The following HIVEP3 variants were observed in gnomAD, a reference collection of about 807,000 sequenced individuals.
HIVEP3 encodes HIVEP zinc finger 3.
Under a neutral mutation model 152.8 loss-of-function variants are expected in HIVEP3, and 49 were observed. The ratio of observed to expected loss-of-function variants is 0.32; its 90% CI spans 0.26 to 0.41. The LOEUF (loss-of-function observed/expected upper bound fraction) is 0.41. Ranked by LOEUF, HIVEP3 falls within the 10% of genes least tolerant of loss-of-function variation. The probability of loss-of-function intolerance (pLI) is 1.00; values close to 1 mark genes in which losing one functional copy is unlikely to be tolerated. For synonymous variants in HIVEP3, 1,269 were observed against 1,289.0 expected (o/e 0.98, Z 0.33); for missense variants, 2,790 against 3,103.3 (o/e 0.90, Z 2.40).
chr1:41,747,089 C>A (rs1647084335), intron 1 of HIVEP3, among the ~76,000 whole-genome samples: 1 of 152,180 alleles, frequency 6.6e-6, no homozygotes, highest in Non-Finnish European at 1.5e-5. Flanking sequence ...CTGTGAGAGG[C>A]AGCAGCAGGA....
At chr1:41,907,231 G>A (rs1398052043) in intron 1 of HIVEP3, among the ~76,000 whole-genome samples, 1 of 152,186 alleles carries the variant, frequency 6.6e-6, no homozygotes, top group Non-Finnish European at 1.5e-5. Flanking sequence ...TTCCTTCCTT[G>A]TAATCCTTGA....
chr1:41,575,080 G>A (rs954413114), intron 5 of HIVEP3, among the ~76,000 whole-genome samples: 1 of 152,246 alleles, frequency 6.6e-6, no homozygotes, highest in Non-Finnish European at 1.5e-5. Context: ...ACAGTGTGCA[G>A]TCAGCCCTGC....
chr1:41,771,721 T>C (rs531761923), intron 1 of HIVEP3, among the ~76,000 whole-genome samples: 60 of 152,198 alleles, frequency 3.9e-4, no homozygotes, highest in Admixed American at 3.5e-3. Context: ...CAGGCTGGAG[T>C]GCAGTGGTGT....
intron 4 of HIVEP3, among the ~76,000 whole-genome samples, chr1:41,578,321 G>GC (rs1310339685): frequency 6.6e-6 from 1 of 152,208 alleles, no homozygotes; most frequent in Non-Finnish European, 1.5e-5. Context: ...AGTGGCCACA[G>GC]CTAGTAAGAG....
At chr1:41,969,875 C>G (rs1178488715) in intron 1 of HIVEP3, among the ~76,000 whole-genome samples, 1 of 151,896 alleles carries the variant, frequency 6.6e-6, no homozygotes, top group Non-Finnish European at 1.5e-5. Context: ...AAAAACAACC[C>G]CATTAAAAAG....
chr1:41,639,155 T>C (rs1645333237), intron 2 of HIVEP3, among the ~76,000 whole-genome samples: 1 of 152,224 alleles, frequency 6.6e-6, no homozygotes, highest in African/African-American at 2.4e-5. Context: ...TCAGTTTTAT[T>C]TGTTATTGTG....
chr1:41,838,106 T>TTA (rs1314229208), intron 1 of HIVEP3, among the ~76,000 whole-genome samples: 1 of 152,160 alleles, frequency 6.6e-6, no homozygotes, highest in African/African-American at 2.4e-5. Context: ...TTTTCAGGAC[T>TTA]TATATATATA....
chr1:41,760,313 T>C (rs766734582), intron 1 of HIVEP3, among the ~76,000 whole-genome samples: 9 of 152,212 alleles, frequency 5.9e-5, no homozygotes, highest in Non-Finnish European at 1.2e-4. Context: ...TTAGCAATAC[T>C]GGTGGGGGCC....
intron 1 of HIVEP3, among the ~76,000 whole-genome samples, chr1:41,898,594 C>T (rs1438190552): frequency 2.0e-5 from 3 of 152,194 alleles, no homozygotes; most frequent in Non-Finnish European, 2.9e-5. Context: ...TGCACACGTG[C>T]GTGCACACAC....
intron 1 of HIVEP3, among the ~76,000 whole-genome samples, chr1:41,836,300 C>T (rs528678874): frequency 6.6e-6 from 1 of 152,082 alleles, no homozygotes; most frequent in East Asian, 1.9e-4. Flanking sequence ...AGTGTGAGAC[C>T]CAGAGAGAGA....
At chr1:41,649,211 G>T (rs1433901921) in intron 2 of HIVEP3, among the ~76,000 whole-genome samples, 4 of 152,166 alleles carry the variant, frequency 2.6e-5, no homozygotes, top group Non-Finnish European at 5.9e-5. Flanking sequence ...GTCTTACTCT[G>T]GGAGACAAAA....
At chr1:41,827,074 G>A (rs559082896) in intron 1 of HIVEP3, among the ~76,000 whole-genome samples, 2 of 152,248 alleles carry the variant, frequency 1.3e-5, no homozygotes, top group East Asian at 1.9e-4. Context: ...AGCTGAACAG[G>A]AGAAACACCC....
chr1:42,035,691 C>G (rs1212549932), intron 1 of HIVEP3: 4 of 151,936 alleles, frequency 2.6e-5, no homozygotes, highest in South Asian at 2.1e-4. Flanking sequence ...CCCCCGGGAC[C>G]GCCCCCGGGC....
intron 1 of HIVEP3, among the ~76,000 whole-genome samples, chr1:41,705,629 C>T (rs1347500207): frequency 2.0e-5 from 3 of 152,182 alleles, no homozygotes; most frequent in Non-Finnish European, 4.4e-5. Flanking sequence ...AAGGACACTG[C>T]CCGGCGCTCA....
chr1:41,524,071 G>A (rs1263470123), intron 6 of HIVEP3, among the ~76,000 whole-genome samples: 1 of 152,150 alleles, frequency 6.6e-6, no homozygotes, highest in Non-Finnish European at 1.5e-5. Flanking sequence ...TCTCTGGGAT[G>A]CATGCCTTTC....
At chr1:41,730,761 G>A (rs924782188) in intron 1 of HIVEP3, among the ~76,000 whole-genome samples, 1 of 152,240 alleles carries the variant, frequency 6.6e-6, no homozygotes, top group Admixed American at 6.5e-5. Context: ...AGTGGGATGT[G>A]GGCAGCATGG....
intron 1 of HIVEP3, among the ~76,000 whole-genome samples, chr1:41,838,623 A>G (rs1643196762): frequency 6.6e-6 from 1 of 152,030 alleles, no homozygotes; most frequent in Admixed American, 6.5e-5. Flanking sequence ...CCATCCTCCT[A>G]GGGAGGCAGC....
At chr1:41,776,795 A>G (rs1386686642) in intron 1 of HIVEP3, among the ~76,000 whole-genome samples, 1 of 152,230 alleles carries the variant, frequency 6.6e-6, no homozygotes, top group Admixed American at 6.5e-5. Flanking sequence ...ATCTTTCTGG[A>G]AACCCCTTCA....
At chr1:41,986,352 T>C (rs542314786) in intron 1 of HIVEP3, among the ~76,000 whole-genome samples, 9 of 152,284 alleles carry the variant, frequency 5.9e-5, no homozygotes, top group Middle Eastern at 3.4e-3. Flanking sequence ...ATTACAAGGC[T>C]TCCATGCATA....
Sources: gnomAD v4.1 joint callset for allele counts (sites outside exome capture counted in the v4.1 genomes callset) on GRCh38, gnomAD v4.1.1 for gene constraint, MANE v1.5 for transcripts, NCBI Gene and HGNC (gene_info 2026-07-23, HGNC 2026-07-21) for gene names.